SYCP1: variants seen among roughly 807,000 people sequenced by gnomAD.
SYCP1 encodes synaptonemal complex protein 1, also known as cancer/testis antigen 8.
SYCP1 carries 64 observed loss-of-function variants against 153.1 expected under a neutral mutation model. That is an observed-to-expected ratio of 0.42 (90% confidence interval 0.34 to 0.51). The LOEUF (loss-of-function observed/expected upper bound fraction) is 0.51. SYCP1 is among the 20% of genes least tolerant of loss of function. The pLI, the probability that SYCP1 is intolerant of heterozygous loss-of-function variation, is 0.06. For missense variants in SYCP1, 997 were observed against 1,049.0 expected, an observed-to-expected ratio of 0.95 and a Z score of 0.68; for synonymous variants, 384 against 341.8, an observed-to-expected ratio of 1.12 and a Z score of -1.36.
intron 27 of SYCP1, among the ~76,000 whole-genome samples, chr1:114,963,632 T>C (rs1671919205): frequency 6.6e-6 from 1 of 152,194 alleles, no homozygotes; most frequent in Non-Finnish European, 1.5e-5. Context: ...TGTTTGGTTT[T>C]CTGTTTCTGT....
chr1:114,951,668 T>C (rs1671115400), intron 27 of SYCP1, among the ~76,000 whole-genome samples: 1 of 152,178 alleles, frequency 6.6e-6, no homozygotes, highest in Non-Finnish European at 1.5e-5. Flanking sequence ...TTTATTAAGT[T>C]TCCCCCCATG....
intron 23 of SYCP1, among the ~76,000 whole-genome samples, chr1:114,936,821 A>G (rs1325974352): frequency 6.6e-6 from 1 of 152,216 alleles, no homozygotes; most frequent in Non-Finnish European, 1.5e-5. Flanking sequence ...TAAAATACCT[A>G]GGAATCCAAC....
At chr1:114,857,156 A>AAAAAAAAAAAAAAAAAAAAAAAAAAAAAG (rs774041717) in intron 3 of SYCP1, 76 bp from the exon 4 acceptor site, 9 of 921,428 alleles carry the variant, frequency 9.8e-6, no homozygotes, top group South Asian at 1.9e-5. Flanking sequence ...AAAAAAAAAA[A>AAAAAAAAAAAAAAAAAAAAAAAAAAAAAG]AGAGAAAAAA....
At chr1:114,895,725 A>G (rs1338411867) in intron 16 of SYCP1, among the ~76,000 whole-genome samples, 1 of 152,118 alleles carries the variant, frequency 6.6e-6, no homozygotes, top group East Asian at 1.9e-4. Flanking sequence ...TCATTTGAAT[A>G]TGTGTTGATA....
rs1160894079 is a variant in SYCP1 at position 114,947,744 on chromosome 1, C to T, written c.2322+424C>T. Among the ~76,000 whole-genome samples, 3 of 121,630 alleles carry T rather than the reference C, an allele frequency of 2.5e-5. No individual in the cohort carries two copies. The East Asian group carries it at 8.6e-4, about 35-fold the overall frequency. The allele number at this position is 121,630 out of a possible 152,430, so 79.8% of individuals were successfully genotyped here. A position where few individuals can be genotyped will look rare whatever the true frequency, so the allele number is the denominator to read the frequency against. On this transcript the variant is annotated intron_variant, in intron 27 of 31. Coordinates refer to ENST00000369522, the MANE Select transcript of SYCP1 (RefSeq NM_003176.4). ...AGGAGAATGGCGTGAACCCGGGAGG[C>T]GGAGCTTGCAGCAGCCGAGATCGCG... is the stretch of plus-strand genomic sequence containing the variant.
chr1:114,937,060 G>C (rs1451830652), intron 23 of SYCP1, among the ~76,000 whole-genome samples: 1 of 151,998 alleles, frequency 6.6e-6, no homozygotes, highest in Non-Finnish European at 1.5e-5. Flanking sequence ...AGTTCATATG[G>C]AACCAAAAAA....
chr1:114,966,281 T>TTG (rs1672120971), intron 27 of SYCP1, among the ~76,000 whole-genome samples: 3 of 152,204 alleles, frequency 2.0e-5, no homozygotes, highest in African/African-American at 7.2e-5. Flanking sequence ...TTGTTAATCT[T>TTG]TTCAAAAAAC....
In SYCP1 at chr1:114,922,932, T is replaced by A. The variant is rs374107849; in HGVS notation, c.1719-517T>A. 5.3e-5 allele frequency among the ~76,000 whole-genome samples: 8 copies of A among 152,290 alleles called. No individual in the cohort carries two copies. In the South Asian group the frequency reaches 1.7e-3, roughly 32 times the overall value. On this transcript the variant is annotated intron_variant, in intron 20 of 31. Coordinates refer to ENST00000369522, the MANE Select transcript of SYCP1 (RefSeq NM_003176.4). ...AAAATGGAGAAATCAGCCAGAAGAA[T>A]TGAGTTCAGGTTCCATGCAAATCTA...
In SYCP1 at chr1:114,956,816, C is replaced by G. The variant is rs138387523; in HGVS notation, c.2322+9496C>G. On this transcript the variant is annotated intron_variant, in intron 27 of 31. Transcript: ENST00000369522. ...GCAGTGGTCACAGGCTCAGGAAACA[C>G]AACAACCAGACTTCTTAGAATCACT... Among the ~76,000 whole-genome samples, 250 of 147,724 alleles carry G rather than the reference C, an allele frequency of 1.7e-3. 2 individuals are homozygous for G. The highest frequency in any genetic ancestry group is 5.9e-3 in the African/African-American group (237 of 40,028).
intron 27 of SYCP1, among the ~76,000 whole-genome samples, chr1:114,949,054 C>G (rs1411763055): frequency 6.6e-6 from 1 of 152,160 alleles, no homozygotes; most frequent in African/African-American, 2.4e-5. Flanking sequence ...AGCAAGGGAG[C>G]AGTTTACGGC....
At chr1:114,980,788 T>G (rs1198370108) in intron 28 of SYCP1, among the ~76,000 whole-genome samples, 1 of 151,946 alleles carries the variant, frequency 6.6e-6, no homozygotes, top group African/African-American at 2.4e-5. Context: ...AAAATTTAAC[T>G]TTTATTTTAA....
chr1:114,857,165 A>T, intron 3 of SYCP1, 67 bp from the exon 4 acceptor site: 1 of 1,146,114 alleles, frequency 8.7e-7, no homozygotes, highest in Non-Finnish European at 1.2e-6. Flanking sequence ...AAAGAGAAAA[A>T]AGAAAAAAAA....
Position 114,867,649 on chromosome 1 carries a change from T to C in SYCP1, c.598+6840T>C, listed in dbSNP as rs116262932. The stretch of plus-strand genomic sequence containing the variant: ...CTGTAATTGCTTATTAGTTCCAGGA[T>C]TTTTTTTTGTTAATTCTTTCAAATT... On this transcript the variant is annotated intron_variant, in intron 8 of 31. Transcript: ENST00000369522. Among the ~76,000 whole-genome samples the C allele has an allele frequency of 8.5e-3, 1,283 of 151,734 alleles. 21 individuals are homozygous for C. The highest frequency in any genetic ancestry group is 0.029 in the African/African-American group (1,218 of 41,430).
At chr1:114,923,577 A>G in intron 21 of SYCP1, 47 bp downstream of exon 21, 1 of 1,487,702 alleles carries the variant, frequency 6.7e-7, no homozygotes, top group Non-Finnish European at 9.1e-7. Flanking sequence ...TTCAAATTAT[A>G]AAAGCAACAC....
intron 6 of SYCP1, among the ~76,000 whole-genome samples, chr1:114,859,268 A>G (rs1664217172): frequency 6.6e-6 from 1 of 151,996 alleles, no homozygotes; most frequent in Admixed American, 6.6e-5. Flanking sequence ...TTATATTTTT[A>G]GTAGAGATGG....
At chr1:114,928,437 C>T (rs891956362) in intron 23 of SYCP1, among the ~76,000 whole-genome samples, 4 of 151,986 alleles carry the variant, frequency 2.6e-5, no homozygotes, top group Non-Finnish European at 5.9e-5. Flanking sequence ...CTGTATGCAG[C>T]AAAAAGCTTT....
chr1:114,880,459 C>T (rs1046897488), intron 12 of SYCP1, among the ~76,000 whole-genome samples: 8 of 152,164 alleles, frequency 5.3e-5, no homozygotes, highest in South Asian at 2.1e-4. Flanking sequence ...TGGAGCTTCC[C>T]GATGATGTTG....
intron 30 of SYCP1, among the ~76,000 whole-genome samples, chr1:114,992,892 G>A (rs1380228544): frequency 4.0e-5 from 6 of 151,240 alleles, no homozygotes; most frequent in Non-Finnish European, 8.9e-5. Flanking sequence ...ATATGACAAG[G>A]GATTGATATC....
At chr1:114,990,318 C>T (rs1424273701) in intron 30 of SYCP1, among the ~76,000 whole-genome samples, 1 of 151,696 alleles carries the variant, frequency 6.6e-6, no homozygotes, top group East Asian at 1.9e-4. Context: ...CACAATATAC[C>T]TAAACTTATG....
Sources: gnomAD v4.1 joint callset for allele counts (sites outside exome capture counted in the v4.1 genomes callset) on GRCh38, gnomAD v4.1.1 for gene constraint, MANE v1.5 for transcripts, NCBI Gene and HGNC (gene_info 2026-07-23, HGNC 2026-07-21) for gene names.